The following EFCAB6 variants were observed in gnomAD, a reference collection of about 807,000 sequenced individuals.
EFCAB6 encodes the protein EF-hand calcium-binding domain-containing protein 6.
In EFCAB6, 156 loss-of-function variants were observed where a neutral mutation model predicts 169.8. The observed-to-expected ratio is 0.92, with a 90% CI of 0.81 to 1.05. The LOEUF (loss-of-function observed/expected upper bound fraction) is 1.05. EFCAB6 is among the 50% of genes least tolerant of loss of function. The pLI is 0.00. For missense variants in EFCAB6, 1,800 were observed against 1,829.1 expected (o/e 0.98, Z 0.29); for synonymous variants, 698 against 676.4 (o/e 1.03, Z -0.50).
At chr22:43,632,024 C>G (rs2054982646) in intron 19 of EFCAB6, 81 bp downstream of exon 19, 18 of 1,555,878 alleles carry the variant, frequency 1.2e-5, no homozygotes, top group Non-Finnish European at 1.5e-5. Context: ...TGACCTACAC[C>G]AGGACTCACA....
intron 4 of EFCAB6, among the ~76,000 whole-genome samples, chr22:43,770,651 G>A (rs1378950434): frequency 6.6e-6 from 1 of 151,994 alleles, no homozygotes; most frequent in South Asian, 2.1e-4. Flanking sequence ...GATAAGAGTC[G>A]GTGAACTTAA....
chr22:43,534,630 A>T, intron 30 of EFCAB6, 58 bp downstream of exon 30: 1 of 1,498,610 alleles, frequency 6.7e-7, no homozygotes, highest in South Asian at 1.3e-5. Flanking sequence ...TGAAAAAAAT[A>T]AAAATGAAAG....
chr22:43,594,275 CAAAAAA>C (rs750560174), intron 23 of EFCAB6, among the ~76,000 whole-genome samples: 1 of 81,494 alleles, frequency 1.2e-5, no homozygotes, highest in African/African-American at 5.3e-5. Flanking sequence ...AACTCTGTTT[CAAAAAA>C]AAAAAAAAAA....
At chr22:43,676,652 A>G (rs2057775944) in intron 13 of EFCAB6, among the ~76,000 whole-genome samples, 1 of 152,180 alleles carries the variant, frequency 6.6e-6, no homozygotes, top group African/African-American at 2.4e-5. Context: ...GTTATGTACT[A>G]TGGCCTATTA....
At chr22:43,632,301 T>TTC in intron 18 of EFCAB6, 63 bp from the exon 19 acceptor site, 1 of 1,147,144 alleles carries the variant, frequency 8.7e-7, no homozygotes, top group South Asian at 2.1e-5. Context: ...CTTCTTTTTT[T>TTC]TTTTTTTTTT....
rs1421515903 is a variant in EFCAB6, at chr22:43,678,094, C to T, written c.1321G>A (p.Asp441Asn). The T allele has an allele frequency of 7.4e-6, 12 of 1,613,032 alleles. No homozygotes were observed. Among genetic ancestry groups the T allele is most frequent in the Non-Finnish European group, 1.0e-5 (12 of 1,179,906 alleles). ...ILNCMAVKLS[D>N]SEFKELMQML... ...TGCATTAGTTCTTTGAATTCTGAAT[C>T]GCTTAGTTTTACAGCCATGCAATTT... The change falls in exon 13 of 32, where the codon GAT becomes AAT. Residue 441 changes from aspartate (D) to asparagine (N), a missense_variant. Coordinates refer to ENST00000262726, the MANE Select transcript of EFCAB6 (RefSeq NM_022785.4).
At chr22:43,704,032 C>A (rs1484608695) in intron 10 of EFCAB6, among the ~76,000 whole-genome samples, 1 of 152,018 alleles carries the variant, frequency 6.6e-6, no homozygotes. Flanking sequence ...GGTCTCTAAT[C>A]AAATTCAACC....
intron 7 of EFCAB6, among the ~76,000 whole-genome samples, chr22:43,733,587 G>A (rs1439015521): frequency 6.6e-6 from 1 of 152,132 alleles, no homozygotes; most frequent in Non-Finnish European, 1.5e-5. Flanking sequence ...GGGCATTCAC[G>A]GAGTCTTTAT....
chr22:43,640,835 G>T (rs540303372), intron 17 of EFCAB6, among the ~76,000 whole-genome samples: 1 of 152,116 alleles, frequency 6.6e-6, no homozygotes, highest in Non-Finnish European at 1.5e-5. Context: ...CTCTGGGAAG[G>T]CTGGTCCAGT....
At chr22:43,668,728 T>A (rs1352488699) in intron 16 of EFCAB6, 144 bp downstream of exon 16, 2 of 720,076 alleles carry the variant, frequency 2.8e-6, no homozygotes, top group African/African-American at 3.7e-5. Context: ...ATTCCCTGAC[T>A]CTAATTACTG....
chr22:43,563,127 G>A (rs897879665), intron 26 of EFCAB6, among the ~76,000 whole-genome samples: 11 of 152,168 alleles, frequency 7.2e-5, no homozygotes, highest in Admixed American at 2.0e-4. Context: ...ACCAAGCGCC[G>A]CCTGCCAGGG....
intron 10 of EFCAB6, 119 bp downstream of exon 10, chr22:43,711,356 G>A (rs915610015): frequency 8.3e-6 from 9 of 1,085,762 alleles, no homozygotes; most frequent in African/African-American, 3.3e-5. Flanking sequence ...TTCTGTATAC[G>A]TTTTAAATTT....
intron 3 of EFCAB6, among the ~76,000 whole-genome samples, chr22:43,773,461 G>C (rs1432218767): frequency 6.6e-6 from 1 of 152,156 alleles, no homozygotes; most frequent in Non-Finnish European, 1.5e-5. Context: ...TCATCCCCTT[G>C]CCAATTTTTG....
intron 2 of EFCAB6, among the ~76,000 whole-genome samples, chr22:43,804,226 T>C (rs1459943322): frequency 1.3e-5 from 2 of 151,964 alleles, no homozygotes; most frequent in Non-Finnish European, 2.9e-5. Flanking sequence ...GAATGACCGA[T>C]GAATCAATGA....
chr22:43,613,189 A>G (rs995459277), intron 21 of EFCAB6, among the ~76,000 whole-genome samples: 3 of 148,168 alleles, frequency 2.0e-5, no homozygotes, highest in Admixed American at 6.8e-5. Flanking sequence ...TATAACATAT[A>G]TATTAATATA....
chr22:43,699,008 T>C (rs1182504922), intron 10 of EFCAB6, among the ~76,000 whole-genome samples: 1 of 152,194 alleles, frequency 6.6e-6, no homozygotes, highest in Non-Finnish European at 1.5e-5. Flanking sequence ...CCTGGAATAA[T>C]ATGGCAGCTG....
chr22:43,531,908 ATC>A (rs1306687983), intron 30 of EFCAB6: 1 of 152,056 alleles, frequency 6.6e-6, no homozygotes, highest in Non-Finnish European at 1.5e-5. Context: ...CCCCGAGGAC[ATC>A]TTTCTGCTGC....
intron 8 of EFCAB6, among the ~76,000 whole-genome samples, chr22:43,728,192 T>C (rs1030207894): frequency 1.3e-5 from 2 of 152,196 alleles, no homozygotes; most frequent in Non-Finnish European, 2.9e-5. Flanking sequence ...GTTAGTTTGC[T>C]GAGAATAACG....
At chr22:43,732,935 G>A (rs2060006590) in intron 7 of EFCAB6, among the ~76,000 whole-genome samples, 3 of 152,122 alleles carry the variant, frequency 2.0e-5, no homozygotes, top group African/African-American at 4.8e-5. Flanking sequence ...ATCTCCATAT[G>A]TGTTGATTTC....
Sources: allele counts gnomAD v4.1 joint callset (sites outside exome capture counted in the v4.1 genomes callset), GRCh38; gene constraint gnomAD v4.1.1; transcripts MANE v1.5; gene names NCBI Gene and HGNC (gene_info 2026-07-23, HGNC 2026-07-21).